The following CEP295 variants were observed in gnomAD, a reference collection of about 807,000 sequenced individuals.
The protein encoded by CEP295 is centrosomal protein 295, also known as centrosomal protein of 295 kDa.
CEP295 carries 190 observed loss-of-function variants against 291.6 expected under a neutral mutation model. The observed-to-expected ratio is 0.65, with a 90% CI of 0.58 to 0.73. The LOEUF (loss-of-function observed/expected upper bound fraction) is 0.73, where lower values mean the gene tolerates loss of function less well. Among genes scored for constraint, CEP295 ranks in the 30% least tolerant of loss-of-function variants. CEP295 has a pLI of 0.00. For missense variants in CEP295, 2,863 were observed against 2,949.4 expected (o/e 0.97, Z 0.68); for synonymous variants, 993 against 1,038.8 (o/e 0.96, Z 0.85).
At chr11:93,674,469 C>T (rs182965207) in intron 5 of CEP295, among the ~76,000 whole-genome samples, 16 of 152,274 alleles carry the variant, frequency 1.1e-4, no homozygotes, top group Non-Finnish European at 1.5e-4. Flanking sequence ...TAGGCCGAAG[C>T]GTAAGGATCG....
chr11:93,703,287 G>GT (rs1207701024), intron 17 of CEP295, among the ~76,000 whole-genome samples: 1 of 150,182 alleles, frequency 6.7e-6, no homozygotes, highest in Non-Finnish European at 1.5e-5. Context: ...AGTGCTAAAT[G>GT]TTTTTTGTTA....
rs367858745 is a variant in CEP295 at position 93,702,458 on chromosome 11, A to G, written c.5275-2A>G. The G allele has an allele frequency of 1.3e-5, 19 of 1,516,828 alleles. No individual in the cohort carries two copies. The highest frequency in any genetic ancestry group is 1.6e-5 in the Non-Finnish European group (18 of 1,133,600). 94.0% of individuals were successfully genotyped at this position (1,516,828 alleles called of 1,614,324 possible). A position where few individuals can be genotyped will look rare whatever the true frequency, so the allele number is the denominator to read the frequency against. On this transcript the variant is annotated splice_acceptor_variant, in intron 15 of 29. Transcript: ENST00000325212. LOFTEE classifies it high-confidence loss of function. ...TCCCCACCCTCATCTCCACTTTTTCAGATAAGTAAGCCCACAGTTGAAAAT... is the reference window on the plus strand; with the variant it reads ...TCCCCACCCTCATCTCCACTTTTTCGGATAAGTAAGCCCACAGTTGAAAAT...
At chr11:93,722,076 T>A (rs780576398) in intron 20 of CEP295, 26 bp downstream of exon 20, 5 of 1,395,384 alleles carry the variant, frequency 3.6e-6, no homozygotes, top group Non-Finnish European at 5.0e-6. Context: ...TGTTTATAAA[T>A]AAGTTGAAAG....
chr11:93,713,465 C>T lies in CEP295; in HGVS notation c.5749+6568C>T, dbSNP rs547254609. On this transcript the variant is annotated intron_variant, in intron 18 of 29. Transcript: ENST00000325212. ...TTTTGAAGGATATTTTTGCCAGATC[C>T]GCACTTTTAATGTGTCATGCCACTC... Among the ~76,000 whole-genome samples, 45 of 152,200 alleles carry T rather than the reference C, an allele frequency of 3.0e-4. No individual in the cohort carries two copies. The South Asian group carries it at 4.8e-3, about 16-fold the overall frequency.
intron 14 of CEP295, 39 bp from the exon 15 acceptor site, chr11:93,696,643 C>A (rs1217375953): frequency 2.0e-6 from 3 of 1,474,728 alleles, no homozygotes; most frequent in East Asian, 4.9e-5. Flanking sequence ...TTTTATTTTT[C>A]ATTAAAAAAC....
At chr11:93,667,844 G>A (rs768026022) in intron 3 of CEP295, 37 bp downstream of exon 3, 42 of 1,340,974 alleles carry the variant, frequency 3.1e-5, no homozygotes, top group Middle Eastern at 1.9e-4. Context: ...TGTTGTGGCA[G>A]TAATATTAGT....
intron 6 of CEP295, among the ~76,000 whole-genome samples, chr11:93,678,461 A>T (rs2134904014): frequency 6.6e-6 from 1 of 152,242 alleles, no homozygotes; most frequent in South Asian, 2.1e-4. Context: ...TATTTATCTC[A>T]CCATGTGAGA....
intron 1 of CEP295, among the ~76,000 whole-genome samples, chr11:93,663,336 T>G (rs1950071981): frequency 6.6e-6 from 1 of 152,212 alleles, no homozygotes; most frequent in Admixed American, 6.5e-5. Flanking sequence ...TCTGAGGCGC[T>G]TGTAACTTTT....
intron 9 of CEP295, among the ~76,000 whole-genome samples, chr11:93,684,945 T>C (rs1193806783): frequency 6.6e-6 from 1 of 152,240 alleles, no homozygotes; most frequent in Non-Finnish European, 1.5e-5. Context: ...GCACAAATTT[T>C]GATCTCTCAA....
At position 93,697,191 on chromosome 11, in the gene CEP295, T is replaced by C; in HGVS notation, c.2279T>C (p.Phe760Ser). Reference sequence around the variant, plus strand: ...TCTGAAACATTTGGGGCAACAACTTTTCAAAGTTTAGAATCCCAACAATTG... The same window carrying C: ...TCTGAAACATTTGGGGCAACAACTTCTCAAAGTTTAGAATCCCAACAATTG... ...KISETFGATT[F>S]QSLESQQLFS... Residue 760 changes from phenylalanine (F) to serine (S), a missense_variant, in exon 15 of 30, where the codon TTT (phenylalanine) becomes TCT (serine). Transcript: ENST00000325212. 1.3e-6 allele frequency: 2 copies of C among 1,551,874 alleles called. No individual in the cohort carries two copies. The highest frequency in any genetic ancestry group is 2.7e-5 in the African/African-American group (2 of 73,168).
At chr11:93,685,911 A>G (rs892521555) in intron 9 of CEP295, among the ~76,000 whole-genome samples, 43 of 151,942 alleles carry the variant, frequency 2.8e-4, no homozygotes, top group African/African-American at 8.9e-4. Flanking sequence ...GGGTTTCACT[A>G]TGTTGGCCAG....
rs200136546 is a variant in CEP295, at chr11:93,729,979, ATT to A, written c.7667+25_7667+26del. On this transcript the variant is annotated intron_variant, in intron 28 of 29. Coordinates refer to ENST00000325212, the MANE Select transcript of CEP295 (RefSeq NM_033395.2). Reference sequence around the variant, plus strand: ...ACCAAAGGGGTCTAAGGTAGGGTTAATTTTTTTTTTTTTTTTAGTGATTCACT... The same window carrying A: ...ACCAAAGGGGTCTAAGGTAGGGTTAATTTTTTTTTTTTTTAGTGATTCACT... The A allele has an allele frequency of 2.1e-3, 2,874 of 1,369,420 alleles. No individual in the cohort carries two copies. Among genetic ancestry groups the A allele is most frequent in the South Asian group, 2.4e-3 (172 of 71,514 alleles). 84.8% of individuals were successfully genotyped at this position (1,369,420 alleles called of 1,614,324 possible).
At chr11:93,694,550 G>C (rs935760654) in intron 12 of CEP295, among the ~76,000 whole-genome samples, 1 of 152,138 alleles carries the variant, frequency 6.6e-6, no homozygotes, top group African/African-American at 2.4e-5. Context: ...CTCTTATGCT[G>C]TGGAGCCACT....
intron 9 of CEP295, among the ~76,000 whole-genome samples, chr11:93,685,301 C>G (rs941801473): frequency 8.5e-5 from 13 of 152,228 alleles, no homozygotes; most frequent in African/African-American, 1.4e-4. Context: ...GGGATTCCAA[C>G]TTTATGTAGG....
In CEP295 at chr11:93,697,503, C is replaced by G. The variant is rs78694994; in HGVS notation, c.2591C>G (p.Thr864Ser). Residue 864 changes from threonine (T) to serine (S), a missense_variant, in exon 15 of 30, where the codon ACT (threonine) becomes AGT (serine). Physicochemically the swap from Thr to Ser is moderately conservative, Grantham distance 58. Coordinates refer to ENST00000325212, the MANE Select transcript of CEP295 (RefSeq NM_033395.2). ...CTACAGAAGAAAGTTCTTCAGGCAA[C>G]TCAGGAAGCTCAGGAACAGTTGCTT... Reference protein sequence around the residue: ...LDLQKKVLQATQEAQEQLLLC... With the variant: ...LDLQKKVLQASQEAQEQLLLC... 6,178 of 1,551,760 alleles carry G rather than the reference C, an allele frequency of 4.0e-3. 152 individuals carry two copies. In the East Asian group the frequency reaches 0.069, roughly 17 times the overall value.
chr11:93,702,946 A>AT (rs1351360257), intron 17 of CEP295, 27 bp downstream of exon 17: 2 of 1,514,134 alleles, frequency 1.3e-6, no homozygotes, highest in Non-Finnish European at 1.8e-6. Context: ...ATAAAACAAG[A>AT]TTTTTAAATA....
In CEP295 at chr11:93,693,704, C is replaced by G. The variant is rs111638589; in HGVS notation, c.1533+1674C>G. 2.9e-4 allele frequency among the ~76,000 whole-genome samples: 44 copies of G among 151,890 alleles called. 1 individual carries two copies. Among genetic ancestry groups the G allele is most frequent in the Middle Eastern group, 3.4e-3 (1 of 294 alleles). Reference sequence around the variant, plus strand: ...CCAAGAGGTGGAGGTTGCAGTCAGCCAAGATTGTGCCACTGCATTCGCCTG... The same window carrying G: ...CCAAGAGGTGGAGGTTGCAGTCAGCGAAGATTGTGCCACTGCATTCGCCTG... On this transcript the variant is annotated intron_variant, in intron 12 of 29. Coordinates refer to ENST00000325212, the MANE Select transcript of CEP295 (RefSeq NM_033395.2).
chr11:93,724,611 A>G (rs1954002337), intron 22 of CEP295, among the ~76,000 whole-genome samples: 1 of 151,770 alleles, frequency 6.6e-6, no homozygotes, highest in Non-Finnish European at 1.5e-5. Context: ...TACTGAAAAT[A>G]CAAAAATTAG....
intron 22 of CEP295, among the ~76,000 whole-genome samples, 154 bp downstream of exon 22, chr11:93,724,529 GC>G (rs1953993537): frequency 6.6e-6 from 1 of 152,212 alleles, no homozygotes; most frequent in African/African-American, 2.4e-5. Context: ...CACTTTGAGA[GC>G]CCAAGGCGGG....
Sources: gnomAD v4.1 joint callset for allele counts (sites outside exome capture counted in the v4.1 genomes callset) on GRCh38, gnomAD v4.1.1 for gene constraint, MANE v1.5 for transcripts, NCBI Gene and HGNC (gene_info 2026-07-23, HGNC 2026-07-21) for gene names.